Variants in PLCG2 observed in about 807,000 individuals in gnomAD.
PLCG2 encodes 1-phosphatidylinositol 4,5-bisphosphate phosphodiesterase gamma-2.
PLCG2 carries 69 observed loss-of-function variants against 175.6 expected under a neutral mutation model. That is an observed-to-expected ratio of 0.39 (90% CI 0.32 to 0.48). PLCG2 has a LOEUF of 0.48. PLCG2 is among the 20% of genes least tolerant of loss of function. PLCG2 has a pLI of 0.91. For missense variants in PLCG2, 1,798 were observed against 1,650.9 expected, an observed-to-expected ratio of 1.09 and a Z score of -1.54; for synonymous variants, 827 against 624.0, an observed-to-expected ratio of 1.33 and a Z score of -4.85.
intron 24 of PLCG2, among the ~76,000 whole-genome samples, chr16:81,929,352 T>G (rs1438700724): frequency 2.0e-5 from 3 of 152,240 alleles, no homozygotes; most frequent in Non-Finnish European, 4.4e-5. Flanking sequence ...CCCCAGGAAC[T>G]TCCTGCTTCT....
chr16:81,928,726 C>A, intron 24 of PLCG2, 102 bp downstream of exon 24: 1 of 771,128 alleles, frequency 1.3e-6, no homozygotes, highest in South Asian at 1.4e-5. Context: ...AGGGTCCTGT[C>A]TTGAATGCCA....
chr16:81,922,093 C>A (rs977948453), intron 21 of PLCG2, among the ~76,000 whole-genome samples: 1 of 152,080 alleles, frequency 6.6e-6, no homozygotes, highest in Non-Finnish European at 1.5e-5. Flanking sequence ...TCCTTATATC[C>A]ACCCTTGAAG....
At chr16:81,812,122 T>C (rs1441570235) in intron 2 of PLCG2, among the ~76,000 whole-genome samples, 2 of 143,488 alleles carry the variant, frequency 1.4e-5, no homozygotes, top group Non-Finnish European at 3.0e-5. Context: ...CTATCTCAGC[T>C]CACTGCAAGC....
upstream of PLCG2, among the ~76,000 whole-genome samples, chr16:81,774,525 C>T (rs1399934624): frequency 1.3e-5 from 2 of 152,104 alleles, no homozygotes; most frequent in African/African-American, 4.8e-5. Context: ...GGACTCGGCT[C>T]GTCGCCACGG....
At chr16:81,820,274 A>G (rs1299515481) in intron 2 of PLCG2, among the ~76,000 whole-genome samples, 1 of 152,214 alleles carries the variant, frequency 6.6e-6, no homozygotes, top group Non-Finnish European at 1.5e-5. Flanking sequence ...CCATCGCAGG[A>G]GAGAGGGTTC....
chr16:81,802,614 C>A (rs564314117), intron 2 of PLCG2, among the ~76,000 whole-genome samples: 1 of 151,944 alleles, frequency 6.6e-6, no homozygotes, highest in Non-Finnish European at 1.5e-5. Context: ...CTCTTGTCGC[C>A]GGGCTGGAGT....
At chr16:81,912,410 C>G (rs376987476) in intron 18 of PLCG2, among the ~76,000 whole-genome samples, 187 bp from the exon 19 acceptor site, 1 of 152,242 alleles carries the variant, frequency 6.6e-6, no homozygotes, top group Non-Finnish European at 1.5e-5. Flanking sequence ...GGGTCTTCCA[C>G]TATTCTTTTC....
chr16:81,787,930 A>ACG (rs1283850455), intron 2 of PLCG2, among the ~76,000 whole-genome samples: 2 of 152,130 alleles, frequency 1.3e-5, no homozygotes, highest in Non-Finnish European at 2.9e-5. Flanking sequence ...GAATCACGAT[A>ACG]CGTTGTATGG....
At chr16:81,800,018 A>G (rs768730239) in intron 2 of PLCG2, among the ~76,000 whole-genome samples, 1 of 152,212 alleles carries the variant, frequency 6.6e-6, no homozygotes, top group African/African-American at 2.4e-5. Flanking sequence ...CACTTATCCC[A>G]TTTGTGGCCA....
chr16:81,920,188 C>T (rs1010160059), intron 20 of PLCG2, among the ~76,000 whole-genome samples: 1 of 152,110 alleles, frequency 6.6e-6, no homozygotes, highest in East Asian at 1.9e-4. Flanking sequence ...GGCTCATAGG[C>T]CATTGTAAGG....
At chr16:81,863,871 A>G (rs931503013) in intron 5 of PLCG2, among the ~76,000 whole-genome samples, 1 of 152,168 alleles carries the variant, frequency 6.6e-6, no homozygotes, top group African/African-American at 2.4e-5. Context: ...AGGGGGTTGC[A>G]GGTGGAAGGC....
chr16:81,877,836 C>T (rs1045521284), intron 7 of PLCG2, among the ~76,000 whole-genome samples: 7 of 151,872 alleles, frequency 4.6e-5, no homozygotes, highest in African/African-American at 1.2e-4. Flanking sequence ...GTCATTGCAT[C>T]GCTCCTTGGC....
intron 1 of PLCG2, among the ~76,000 whole-genome samples, chr16:81,742,891 C>G (rs191428826): frequency 1.3e-5 from 2 of 152,204 alleles, no homozygotes; most frequent in African/African-American, 2.4e-5. Flanking sequence ...TTCTTCCAGA[C>G]GTGTGAAGAG....
chr16:81,877,054 G>A (rs1907825936), intron 7 of PLCG2, among the ~76,000 whole-genome samples: 1 of 152,176 alleles, frequency 6.6e-6, no homozygotes, highest in African/African-American at 2.4e-5. Context: ...CTACCTGATG[G>A]GATCAGCAGG....
chr16:81,912,429 T>C (rs545162924), intron 18 of PLCG2, among the ~76,000 whole-genome samples, 168 bp from the exon 19 acceptor site: 20 of 152,256 alleles, frequency 1.3e-4, no homozygotes, highest in Non-Finnish European at 2.8e-4. Context: ...TCACAAATTC[T>C]CTTTGCTGAG....
At chr16:81,852,473 G>C (rs12921938) in intron 2 of PLCG2, among the ~76,000 whole-genome samples, 88,384 of 151,582 alleles carry the variant, frequency 0.58, 26,489 homozygotes, top group Middle Eastern at 0.68. Context: ...AGGGAAAGAA[G>C]GGACTGGTTG....
intron 2 of PLCG2, among the ~76,000 whole-genome samples, chr16:81,756,846 G>A (rs887427285): frequency 2.0e-5 from 3 of 152,180 alleles, no homozygotes; most frequent in Non-Finnish European, 2.9e-5. Context: ...TTCTTCAGCA[G>A]TTTGTTCCGA....
At chr16:81,825,633 G>A (rs1905016946) in intron 2 of PLCG2, among the ~76,000 whole-genome samples, 1 of 152,144 alleles carries the variant, frequency 6.6e-6, no homozygotes, top group African/African-American at 2.4e-5. Context: ...ATAGTAGGTT[G>A]GTGCAAATGT....
chr16:81,936,342 G>T lies in PLCG2; in HGVS notation c.3016G>T (p.Gly1006Cys). The T allele has an allele frequency of 6.2e-7, 1 of 1,614,132 alleles. No individual in the cohort carries two copies. Among genetic ancestry groups the T allele is most frequent in the Non-Finnish European group, 8.5e-7 (1 of 1,180,034 alleles). ...NYDPFRLWLC[G>C]SQMVALNFQT... ...CGACCCCTTCCGCCTCTGGCTGTGC[G>T]GTTCTCAGATGGTGGCACTCAATTT... Residue 1006 changes from glycine (G) to cysteine (C), a missense_variant, in exon 27 of 33, where the codon GGT becomes TGT. Physicochemically the swap from Gly to Cys is radical, Grantham distance 159 (BLOSUM62 -3). Transcript: ENST00000564138.
Sources: allele counts gnomAD v4.1 joint callset (sites outside exome capture counted in the v4.1 genomes callset), GRCh38; gene constraint gnomAD v4.1.1; transcripts MANE v1.5; gene names NCBI Gene and HGNC (gene_info 2026-07-23, HGNC 2026-07-21).